DNAAF5: variants seen among roughly 807,000 people sequenced by gnomAD.
DNAAF5 encodes the protein HEAT repeat containing 2.
In DNAAF5, 64 loss-of-function variants were observed where a neutral mutation model predicts 75.8. The observed-to-expected ratio is 0.84, with a 90% CI of 0.69 to 1.04. The LOEUF (loss-of-function observed/expected upper bound fraction) is 1.04. Ranked by LOEUF, DNAAF5 falls within the 50% of genes least tolerant of loss-of-function variation. The pLI is 0.00. For synonymous variants in DNAAF5, 657 were observed against 557.2 expected (o/e 1.18, Z -2.52); for missense variants, 1,269 against 1,178.5 (o/e 1.08, Z -1.12).
At chr7:753,555 T>C (rs1157603136) in intron 4 of DNAAF5, among the ~76,000 whole-genome samples, 1 of 152,072 alleles carries the variant, frequency 6.6e-6, no homozygotes, top group Non-Finnish European at 1.5e-5. Context: ...GGCGATGGCT[T>C]CGAAGGCATG....
At chr7:744,938 G>A (rs983016192) in intron 4 of DNAAF5, among the ~76,000 whole-genome samples, 2 of 152,156 alleles carry the variant, frequency 1.3e-5, no homozygotes, top group African/African-American at 2.4e-5. Flanking sequence ...ACTTAGACAC[G>A]AGGCCACTTA....
At chr7:729,873 C>G (rs1187878132) in intron 2 of DNAAF5, 26 bp downstream of exon 2, 1 of 1,609,814 alleles carries the variant, frequency 6.2e-7, no homozygotes, top group African/African-American at 1.3e-5. Context: ...CCTGGACAGT[C>G]TGTTCCTCTC....
intron 4 of DNAAF5, among the ~76,000 whole-genome samples, chr7:748,405 C>A (rs1284214851): frequency 4.6e-5 from 7 of 152,192 alleles, no homozygotes; most frequent in Admixed American, 4.6e-4. Context: ...CTGTGGTGTG[C>A]TTCTGTGCAC....
intron 1 of DNAAF5, among the ~76,000 whole-genome samples, chr7:727,925 T>G (rs2128067575): frequency 6.6e-6 from 1 of 151,558 alleles, no homozygotes; most frequent in East Asian, 2.0e-4. Context: ...TGTGCCCTGA[T>G]AGCTGCCCCC....
chr7:768,082 G>GCT (rs1562394733), intron 8 of DNAAF5, among the ~76,000 whole-genome samples: 1 of 136,992 alleles, frequency 7.3e-6, no homozygotes, highest in Non-Finnish European at 1.6e-5. Flanking sequence ...TCCGTGCAGC[G>GCT]AGCGGGAGCT....
Position 746,276 on chromosome 7 carries a change from C to A in DNAAF5, c.1024+4811C>A, listed in dbSNP as rs562880620. On this transcript the variant is annotated intron_variant, in intron 4 of 12. Transcript: ENST00000297440. ...GACGCTCTCCTTACTGTCTTGCCCC[C>A]CCCTGCCCGCTGGGCCCAGGCTCTG... is the stretch of plus-strand genomic sequence containing the variant. Among the ~76,000 whole-genome samples the A allele has an allele frequency of 9.6e-5, 12 of 124,520 alleles. 1 individual carries two copies. Among genetic ancestry groups the A allele is most frequent in the African/African-American group, 3.3e-4 (11 of 33,014 alleles). 81.7% of individuals were successfully genotyped at this position (124,520 alleles called of 152,430 possible). A position where few individuals can be genotyped will look rare whatever the true frequency, so the allele number is the denominator to read the frequency against.
chr7:749,176 CAG>C (rs1377070359), intron 4 of DNAAF5, among the ~76,000 whole-genome samples: 2 of 152,208 alleles, frequency 1.3e-5, no homozygotes, highest in Non-Finnish European at 2.9e-5. Context: ...TTTCCCTGAA[CAG>C]AGTGCCCTTC....
Position 726,963 on chromosome 7 carries a change from G to A in DNAAF5, c.243G>A (p.Leu81=), listed in dbSNP as rs1444914533. ...GPWARLLLPR[L]LRCLSDPAEG... ...GGGCGCGCCTACTGCTGCCGCGCTTGCTGCGCTGCCTGAGCGACCCCGCCG... is the reference window on the plus strand; with the variant it reads ...GGGCGCGCCTACTGCTGCCGCGCTTACTGCGCTGCCTGAGCGACCCCGCCG... Residue 81 remains leucine, a synonymous_variant, in exon 1 of 13, where the codon TTG becomes TTA. Coordinates refer to ENST00000297440, the MANE Select transcript of DNAAF5 (RefSeq NM_017802.4). 2 of 1,321,784 alleles carry A rather than the reference G, an allele frequency of 1.5e-6. No homozygotes were observed. The highest frequency in any genetic ancestry group is 1.9e-6 in the Non-Finnish European group (2 of 1,031,412). 81.9% of individuals were successfully genotyped at this position (1,321,784 alleles called of 1,614,324 possible). A position where few individuals can be genotyped will look rare whatever the true frequency, so the allele number is the denominator to read the frequency against.
chr7:774,328 A>C lies in DNAAF5; in HGVS notation c.2082+130A>C, dbSNP rs147202752. On this transcript the variant is annotated intron_variant, in intron 10 of 12. Coordinates refer to ENST00000297440, the MANE Select transcript of DNAAF5 (RefSeq NM_017802.4). ...CACCTCCACCTGGGGCCCGTACCCC[A>C]AGAGGCTCTCCCCACACTGGCGGCG... 1.8e-5 allele frequency: 18 copies of C among 981,150 alleles called. No homozygotes were observed. The African/African-American group carries it at 2.7e-4, about 15-fold the overall frequency. The allele number at this position is 981,150 out of a possible 1,614,324, so 60.8% of individuals were successfully genotyped here.
At chr7:784,780 C>A (rs570711134) in intron 12 of DNAAF5, among the ~76,000 whole-genome samples, 1 of 152,208 alleles carries the variant, frequency 6.6e-6, no homozygotes, top group African/African-American at 2.4e-5. Flanking sequence ...TTTTTCTGAG[C>A]CTATTTGCTC....
chr7:765,147 C>T (rs990093980), intron 8 of DNAAF5, among the ~76,000 whole-genome samples: 28 of 152,202 alleles, frequency 1.8e-4, no homozygotes, highest in East Asian at 5.8e-4. Context: ...ACAAAGCTGG[C>T]GATTGCTGAC....
intron 11 of DNAAF5, among the ~76,000 whole-genome samples, chr7:776,502 C>T (rs1778764391): frequency 1.3e-5 from 2 of 152,036 alleles, no homozygotes; most frequent in Non-Finnish European, 2.9e-5. Context: ...GCTCAGCTTC[C>T]ACGCGGCCGG....
At chr7:779,802 C>A (rs531867325) in intron 11 of DNAAF5, 151 bp from the exon 12 acceptor site, 6 of 659,738 alleles carry the variant, frequency 9.1e-6, no homozygotes, top group African/African-American at 5.5e-5. Context: ...TTGCATGTGG[C>A]TCGGGATGCA....
In DNAAF5 at chr7:727,235, G is replaced by A. The variant is rs1337262848; in HGVS notation, c.515G>A (p.Arg172His). 38 of 1,359,016 alleles carry A rather than the reference G, an allele frequency of 2.8e-5. No individual in the cohort carries two copies. In the African/African-American group the frequency reaches 3.1e-4, roughly 11 times the overall value. 84.2% of individuals were successfully genotyped at this position (1,359,016 alleles called of 1,614,324 possible). The change falls in exon 1 of 13, where the codon CGC becomes CAC. Residue 172 changes from arginine to histidine, a missense_variant. Physicochemically the swap from Arg to His is conservative, Grantham distance 29 (BLOSUM62 0). Transcript: ENST00000297440. ...CTGGACGACGCTCTGCGCGCGCTGC[G>A]CTGCTCCCTGCTCGACCCCTTCGCC... is the stretch of plus-strand genomic sequence containing the variant. ...PHLDDALRAL[R>H]CSLLDPFAAV...
chr7:748,269 G>A (rs1782180513), intron 4 of DNAAF5, among the ~76,000 whole-genome samples: 1 of 140,822 alleles, frequency 7.1e-6, no homozygotes. Context: ...CGGCTGGTGT[G>A]CAGTGGTGGC....
chr7:783,430 G>C (rs35928069), intron 12 of DNAAF5, among the ~76,000 whole-genome samples: 121,332 of 152,166 alleles, frequency 0.8, 48,586 homozygotes, highest in South Asian at 0.86. Flanking sequence ...CATGCTCTGC[G>C]TGCGACCACA....
chr7:771,851 G>T (rs781690950), intron 9 of DNAAF5: 1 of 152,250 alleles, frequency 6.6e-6, no homozygotes, highest in Non-Finnish European at 1.5e-5. Context: ...CCCAAAGAAA[G>T]TGCGCCTAAC....
rs776149047 is a variant in DNAAF5, at chr7:780,124, C to T, written c.2411C>T (p.Ala804Val). The change falls in exon 12 of 13, where the codon GCC (alanine) becomes GTC (valine). Residue 804 changes from alanine to valine, a missense_variant. Coordinates refer to ENST00000297440, the MANE Select transcript of DNAAF5 (RefSeq NM_017802.4). ...LLVHLDDPER[A>V]IQDAILEVLK... is the part of the protein sequence containing the mutation. ...GTTCACCTTGACGATCCAGAGAGGGCCATCCAGGATGCAATTTTAGGTGAG... is the reference window on the plus strand; with the variant it reads ...GTTCACCTTGACGATCCAGAGAGGGTCATCCAGGATGCAATTTTAGGTGAG... 2 of 1,613,848 alleles carry T rather than the reference C, an allele frequency of 1.2e-6. No individual in the cohort carries two copies. The highest frequency in any genetic ancestry group is 1.7e-6 in the Non-Finnish European group (2 of 1,179,932).
At chr7:744,631 A>G (rs942832649) in intron 4 of DNAAF5, among the ~76,000 whole-genome samples, 1 of 152,218 alleles carries the variant, frequency 6.6e-6, no homozygotes, top group Non-Finnish European at 1.5e-5. Flanking sequence ...TTAGAATGGC[A>G]ATCATTAAAA....
Sources: gnomAD v4.1 joint callset for allele counts (sites outside exome capture counted in the v4.1 genomes callset) on GRCh38, gnomAD v4.1.1 for gene constraint, MANE v1.5 for transcripts, NCBI Gene and HGNC (gene_info 2026-07-23, HGNC 2026-07-21) for gene names.